EDAR: variants seen among roughly 807,000 people sequenced by gnomAD.
EDAR encodes the protein tumor necrosis factor receptor superfamily member EDAR.
Under a neutral mutation model 51.3 loss-of-function variants are expected in EDAR, and 38 were observed. The ratio of observed to expected loss-of-function variants is 0.74; its 90% CI spans 0.57 to 0.97. EDAR has a LOEUF of 0.97. EDAR is among the 50% of genes least tolerant of loss of function. The probability of loss-of-function intolerance (pLI) is 0.00; values close to 1 mark genes in which losing one functional copy is unlikely to be tolerated. For synonymous variants in EDAR, 227 were observed against 242.1 expected, an observed-to-expected ratio of 0.94 and a Z score of 0.58; for missense variants, 528 against 595.0, an observed-to-expected ratio of 0.89 and a Z score of 1.17.
intron 1 of EDAR, among the ~76,000 whole-genome samples, chr2:108,968,035 C>T (rs1184461135): frequency 6.6e-6 from 1 of 152,200 alleles, no homozygotes; most frequent in African/African-American, 2.4e-5. Flanking sequence ...GAGCATAGGA[C>T]ATGCGCCCAC....
At chr2:108,976,728 A>C (rs1187566671) in intron 1 of EDAR, among the ~76,000 whole-genome samples, 2 of 152,080 alleles carry the variant, frequency 1.3e-5, no homozygotes, top group Non-Finnish European at 2.9e-5. Context: ...TGTTGCTCAA[A>C]TTGTCTCAGC....
At chr2:108,979,109 C>T (rs1382501375) in intron 1 of EDAR, among the ~76,000 whole-genome samples, 3 of 152,164 alleles carry the variant, frequency 2.0e-5, no homozygotes, top group Admixed American at 6.5e-5. Flanking sequence ...AATTCGGAAA[C>T]GTGGAAACAT....
chr2:108,957,873 G>T (rs558138771), intron 1 of EDAR, among the ~76,000 whole-genome samples: 3 of 152,254 alleles, frequency 2.0e-5, no homozygotes, highest in Admixed American at 6.5e-5. Context: ...TAACGTTTTT[G>T]ATCTTTATTA....
rs529064467 is a variant in EDAR at position 108,948,963 on chromosome 2, A to T, written c.-18-17931T>A. On this transcript the variant is annotated intron_variant, in intron 1 of 11. Transcript: ENST00000258443. ...TGAGACCCCCATCACTAAAAAACTTAAAAAAATTAGTTAAAAACACATACA... is the reference window on the plus strand; with the variant it reads ...TGAGACCCCCATCACTAAAAAACTTTAAAAAATTAGTTAAAAACACATACA... Among the ~76,000 whole-genome samples the T allele has an allele frequency of 1.1e-4, 16 of 152,220 alleles. 1 individual carries two copies. Among genetic ancestry groups the T allele is most frequent in the African/African-American group, 2.4e-4 (10 of 41,546 alleles).
intron 1 of EDAR, among the ~76,000 whole-genome samples, chr2:108,965,103 A>ATGTGTGTGTG (rs532175005): frequency 6.6e-6 from 1 of 152,042 alleles, no homozygotes; most frequent in African/African-American, 2.4e-5. Flanking sequence ...GCACGCAAGC[A>ATGTGTGTGTG]TGTGTGTGTC....
chr2:108,982,719 T>C (rs1405467656), intron 1 of EDAR, among the ~76,000 whole-genome samples: 11 of 152,224 alleles, frequency 7.2e-5, no homozygotes, highest in Admixed American at 5.2e-4. Flanking sequence ...TAGAGAAAGT[T>C]TGGTCTCCTG....
intron 1 of EDAR, among the ~76,000 whole-genome samples, chr2:108,965,478 A>AAAG (rs895922277): frequency 5.9e-5 from 9 of 151,490 alleles, no homozygotes; most frequent in African/African-American, 2.2e-4. Flanking sequence ...AAAAAAAAAA[A>AAAG]AGATAATAAA....
intron 1 of EDAR, among the ~76,000 whole-genome samples, chr2:108,978,537 T>G (rs910859157): frequency 2.0e-5 from 3 of 152,228 alleles, no homozygotes; most frequent in Admixed American, 6.5e-5. Flanking sequence ...ATGCAGATCC[T>G]CCCAAGGAGG....
At chr2:108,958,613 GC>G (rs1325745468) in intron 1 of EDAR, among the ~76,000 whole-genome samples, 3 of 152,174 alleles carry the variant, frequency 2.0e-5, no homozygotes, top group Non-Finnish European at 4.4e-5. Flanking sequence ...GCTCGGGACA[GC>G]TAGCTCCCTT....
rs550976305 is a variant in EDAR at position 108,902,396 on chromosome 2, C to CA, written c.1024+3911dup. On this transcript the variant is annotated intron_variant, in intron 11 of 11. Coordinates refer to ENST00000258443, the MANE Select transcript of EDAR (RefSeq NM_022336.4). ...ATCTCAAAAACAAAACAAAACAAAA[C>CA]AAAAAAACCTCCCCAAAAGAAATCT... 1.3e-3 allele frequency among the ~76,000 whole-genome samples: 202 copies of CA among 151,972 alleles called. 6 individuals are homozygous for CA. The South Asian group carries it at 0.041, about 31-fold the overall frequency.
chr2:108,987,118 A>C (rs62151141), intron 1 of EDAR, among the ~76,000 whole-genome samples: 28,918 of 152,050 alleles, frequency 0.19, 2,927 homozygotes, highest in Middle Eastern at 0.26. Context: ...TGTCTGCCAA[A>C]CACCATCCTG....
intron 2 of EDAR, among the ~76,000 whole-genome samples, 184 bp downstream of exon 2, chr2:108,930,780 A>C (rs377304627): frequency 6.6e-6 from 1 of 152,354 alleles, no homozygotes; most frequent in Non-Finnish European, 1.5e-5. Context: ...AACGAAATCA[A>C]TGTAACTTCA....
At chr2:108,941,189 C>T (rs572204565) in intron 1 of EDAR, among the ~76,000 whole-genome samples, 14 of 152,312 alleles carry the variant, frequency 9.2e-5, no homozygotes, top group African/African-American at 3.1e-4. Context: ...ATTGCCGAAT[C>T]GTATTCCACT....
At chr2:108,902,708 G>A (rs1339422612) in intron 11 of EDAR, among the ~76,000 whole-genome samples, 3 of 152,082 alleles carry the variant, frequency 2.0e-5, no homozygotes, top group African/African-American at 7.2e-5. Context: ...ATTCCAGGGA[G>A]GCAAGGCTGG....
intron 1 of EDAR, among the ~76,000 whole-genome samples, chr2:108,958,017 A>T (rs1435096745): frequency 2.0e-5 from 3 of 151,704 alleles, no homozygotes; most frequent in Non-Finnish European, 4.4e-5. Context: ...CCTTTGGATT[A>T]AAAAAAAATC....
At chr2:108,905,466 C>T (rs940011818) in intron 11 of EDAR, among the ~76,000 whole-genome samples, 1 of 135,542 alleles carries the variant, frequency 7.4e-6, no homozygotes, top group Non-Finnish European at 1.5e-5. Context: ...TATTTCTGGC[C>T]AACAAAGCAC....
chr2:108,978,784 AC>A (rs1306073687), intron 1 of EDAR, among the ~76,000 whole-genome samples: 1 of 152,210 alleles, frequency 6.6e-6, no homozygotes, highest in Admixed American at 6.5e-5. Context: ...TGGAGAAAAG[AC>A]GGGAAAATCC....
At chr2:108,930,867 G>T in intron 2 of EDAR, 97 bp downstream of exon 2, 2 of 1,339,052 alleles carry the variant, frequency 1.5e-6, no homozygotes, top group Non-Finnish European at 2.1e-6. Flanking sequence ...GAGGGACTAT[G>T]ATCAGCATTC....
intron 11 of EDAR, among the ~76,000 whole-genome samples, chr2:108,901,506 A>G (rs532700618): frequency 6.6e-6 from 1 of 152,340 alleles, no homozygotes; most frequent in East Asian, 1.9e-4. Context: ...GAAAACTATA[A>G]AGTAAAAGAG....
Sources: gnomAD v4.1 joint callset for allele counts (sites outside exome capture counted in the v4.1 genomes callset) on GRCh38, gnomAD v4.1.1 for gene constraint, MANE v1.5 for transcripts, NCBI Gene and HGNC (gene_info 2026-07-23, HGNC 2026-07-21) for gene names.